The following SNX27 variants were observed in gnomAD, a reference collection of about 807,000 sequenced individuals.
The protein encoded by SNX27 is sorting nexin-27.
SNX27 carries 22 observed loss-of-function variants against 71.6 expected under a neutral mutation model. The ratio of observed to expected loss-of-function variants is 0.31; its 90% CI spans 0.22 to 0.44. SNX27 has a LOEUF of 0.44. Ranked by LOEUF, SNX27 falls within the 20% of genes least tolerant of loss-of-function variation. The pLI is 1.00. For synonymous variants in SNX27, 269 were observed against 277.2 expected (o/e 0.97, Z 0.29); for missense variants, 531 against 698.6 (o/e 0.76, Z 2.70).
chr1:151,668,739 C>T (rs1456620290), intron 7 of SNX27, 104 bp downstream of exon 7: 3 of 992,794 alleles, frequency 3.0e-6, no homozygotes, highest in Admixed American at 2.9e-5. Context: ...TGCTTTGCTC[C>T]TGGGTCTGAA....
At chr1:151,673,579 T>C (rs998797356) in intron 7 of SNX27, among the ~76,000 whole-genome samples, 2 of 152,188 alleles carry the variant, frequency 1.3e-5, no homozygotes, top group African/African-American at 4.8e-5. Context: ...TGTATCTTTG[T>C]TGATTTTCTG....
intron 5 of SNX27, among the ~76,000 whole-genome samples, chr1:151,663,202 G>A (rs1448468302): frequency 6.7e-6 from 1 of 150,308 alleles, no homozygotes; most frequent in Non-Finnish European, 1.5e-5. Context: ...CCAGACTGGA[G>A]TGCAGTGGTG....
At chr1:151,657,077 T>C (rs1375972795) in intron 2 of SNX27, among the ~76,000 whole-genome samples, 1 of 152,214 alleles carries the variant, frequency 6.6e-6, no homozygotes, top group Non-Finnish European at 1.5e-5. Flanking sequence ...GGAGACTATA[T>C]GGTGTAAAGT....
intron 7 of SNX27, chr1:151,680,266 C>G (rs1468860100): frequency 2.0e-5 from 3 of 151,172 alleles, no homozygotes; most frequent in Admixed American, 6.6e-5. Context: ...AAGTGATTCT[C>G]TTACCTCAGA....
rs1671821705 is a variant in SNX27 at position 151,697,507 on chromosome 1, T to C, written c.*3090T>C. 1.3e-5 allele frequency: 2 copies of C among 152,730 alleles called. No homozygotes were observed. The highest frequency in any genetic ancestry group is 4.8e-5 in the African/African-American group (2 of 41,428). The allele number at this position is 152,730 out of a possible 1,614,324, so 9.5% of individuals were successfully genotyped here. On this transcript the variant is annotated 3_prime_UTR_variant, in exon 12 of 12. Coordinates refer to ENST00000458013, the MANE Select transcript of SNX27 (RefSeq NM_001330723.2). ...TATTTAGGAACAGCCCTTTTGAAAG[T>C]GTCCCAGTAACAACGCACCCAGCTG... is the stretch of plus-strand genomic sequence containing the variant.
intron 1 of SNX27, among the ~76,000 whole-genome samples, chr1:151,628,041 C>CT (rs1668027578): frequency 7.2e-6 from 1 of 138,824 alleles, no homozygotes; most frequent in Non-Finnish European, 1.5e-5. Context: ...GAATTTCACT[C>CT]TGTCGCCCAG....
In SNX27 at chr1:151,639,138, C is replaced by T. The variant is rs1360505081; in HGVS notation, c.543+19C>T. ...GTTTGTGGTGAGTGTCAGCCCAACTCGATCCTCGAACATCTAGCTTTGTTT... is the reference window on the plus strand; with the variant it reads ...GTTTGTGGTGAGTGTCAGCCCAACTTGATCCTCGAACATCTAGCTTTGTTT... On this transcript the variant is annotated intron_variant, in intron 2 of 11. Coordinates refer to ENST00000458013, the MANE Select transcript of SNX27 (RefSeq NM_001330723.2). The T allele has an allele frequency of 1.3e-5, 21 of 1,592,500 alleles. No homozygotes were observed. The highest frequency in any genetic ancestry group is 4.5e-5 in the East Asian group (2 of 44,674).
At chr1:151,658,945 A>G (rs1196468) in intron 3 of SNX27, among the ~76,000 whole-genome samples, 61,869 of 152,044 alleles carry the variant, frequency 0.41, 14,442 homozygotes, top group Non-Finnish European at 0.55. Flanking sequence ...CGGCCTCCCA[A>G]AGTGCTGGGA....
At chr1:151,615,020 G>C (rs559245431) in intron 1 of SNX27, among the ~76,000 whole-genome samples, 29 of 152,324 alleles carry the variant, frequency 1.9e-4, no homozygotes, top group African/African-American at 6.7e-4. Flanking sequence ...AGAAGGACTT[G>C]CCTTAGGCTC....
intron 1 of SNX27, among the ~76,000 whole-genome samples, chr1:151,638,227 GA>G (rs1259636542): frequency 5.9e-5 from 9 of 152,180 alleles, no homozygotes; most frequent in Admixed American, 1.3e-4. Context: ...CATAGAGCAG[GA>G]AAAAAGTTGA....
chr1:151,693,411 C>T lies in SNX27; in HGVS notation c.1519-13C>T. 6.2e-7 allele frequency: 1 copy of T among 1,613,888 alleles called. No homozygotes were observed. The highest frequency in any genetic ancestry group is 1.3e-5 in the African/African-American group (1 of 75,012). ...CTTGAGAAGTTAGTGAGTGTCACCA[C>T]CTTTTTTTTCAGTTCAATTACATGC... On this transcript the variant is annotated splice_polypyrimidine_tract_variant and intron_variant, in intron 10 of 11. Transcript: ENST00000458013.
chr1:151,687,224 A>C (rs1408920636), intron 8 of SNX27, among the ~76,000 whole-genome samples: 2 of 152,216 alleles, frequency 1.3e-5, no homozygotes, highest in African/African-American at 4.8e-5. Context: ...CTTGTTGAAC[A>C]GATAAATAAA....
At chr1:151,638,310 A>C (rs867195167) in intron 1 of SNX27, among the ~76,000 whole-genome samples, 6 of 152,238 alleles carry the variant, frequency 3.9e-5, no homozygotes, top group African/African-American at 1.4e-4. Context: ...CTCCCAAAGT[A>C]ATGAAACTTG....
intron 5 of SNX27, chr1:151,662,881 C>G (rs1670022140): frequency 6.6e-6 from 1 of 151,948 alleles, no homozygotes; most frequent in Non-Finnish European, 1.5e-5. Flanking sequence ...TAATAATTAT[C>G]AAGATTTTGC....
At chr1:151,654,319 A>ATCTGTGTC (rs1426210172) in intron 2 of SNX27, among the ~76,000 whole-genome samples, 1 of 152,016 alleles carries the variant, frequency 6.6e-6, no homozygotes, top group Non-Finnish European at 1.5e-5. Context: ...CTTAGGCAGA[A>ATCTGTGTC]TCTGTGTCTC....
intron 10 of SNX27, 107 bp from the exon 11 acceptor site, chr1:151,693,317 C>CTAGACTGAG: frequency 8.4e-7 from 1 of 1,194,260 alleles, no homozygotes; most frequent in South Asian, 1.3e-5. Context: ...GGGTTTTTCT[C>CTAGACTGAG]TAGACTGAGT....
At chr1:151,628,249 C>T (rs1278754805) in intron 1 of SNX27, among the ~76,000 whole-genome samples, 6 of 152,074 alleles carry the variant, frequency 3.9e-5, no homozygotes, top group South Asian at 2.1e-4. Flanking sequence ...TCAGGTGAAA[C>T]GCCCATCTTC....
At chr1:151,623,540 G>T (rs1667775667) in intron 1 of SNX27, among the ~76,000 whole-genome samples, 1 of 152,070 alleles carries the variant, frequency 6.6e-6, no homozygotes, top group Admixed American at 6.6e-5. Context: ...GAGATTACAG[G>T]CATGAGCCAC....
chr1:151,631,961 C>T (rs1668257778), intron 1 of SNX27, among the ~76,000 whole-genome samples: 1 of 152,170 alleles, frequency 6.6e-6, no homozygotes, highest in African/African-American at 2.4e-5. Context: ...AGTTGTTAGC[C>T]ACTGTGCTTG....
Sources: gnomAD v4.1 joint callset for allele counts (sites outside exome capture counted in the v4.1 genomes callset) on GRCh38, gnomAD v4.1.1 for gene constraint, MANE v1.5 for transcripts, NCBI Gene and HGNC (gene_info 2026-07-23, HGNC 2026-07-21) for gene names.